XIST: variants seen among roughly 807,000 people sequenced by gnomAD.
The protein encoded by XIST is X inactive specific transcript, also known as X inactive specific transcript (non-protein coding).
exon 1 of XIST, chrX:73,843,265 T>G (rs1369583328): frequency 1.8e-6 from 1 of 558,671 alleles, no homozygotes; most frequent in South Asian, 2.2e-5. Context: ...ATTGCAAATA[T>G]TCACATTAAC....
chrX:73,850,536 A>G (rs1922893777), exon 1 of XIST: 1 of 549,857 alleles, frequency 1.8e-6, no homozygotes, highest in East Asian at 3.3e-5. Flanking sequence ...GTTCCTCTTG[A>G]GGAAGGCAGG....
rs758640526 is a variant in XIST at position 73,849,798 on chromosome X, G to C, written n.2926C>G. On this transcript the variant is annotated non_coding_transcript_exon_variant, in exon 1 of 6. Coordinates refer to ENST00000429829, the Ensembl canonical transcript of XIST. Reference sequence around the variant, plus strand: ...ATCAATGAAAATTAGAGTGACTTTCGAGAGAAGCTGGGCGGGACTGAGGAA... The same window carrying C: ...ATCAATGAAAATTAGAGTGACTTTCCAGAGAAGCTGGGCGGGACTGAGGAA... 1.8e-5 allele frequency: 9 copies of C among 504,515 alleles called. No homozygotes were observed. In the Admixed American group the frequency reaches 2.4e-4, roughly 13 times the overall value. The allele number at this position is 504,515 out of a possible 1,213,427, so 41.6% of individuals were successfully genotyped here. A position where few individuals can be genotyped will look rare whatever the true frequency, so the allele number is the denominator to read the frequency against.
chrX:73,830,969 T>C (rs1922368192), intron 4 of XIST: 1 of 473,527 alleles, frequency 2.1e-6, no homozygotes, highest in Non-Finnish European at 3.8e-6. Context: ...AGAATAATGA[T>C]GAATACGACC....
chrX:73,842,144 A>T lies in XIST; in HGVS notation n.10580T>A. 3 of 518,004 alleles carry T rather than the reference A, an allele frequency of 5.8e-6. No individual in the cohort carries two copies. In the East Asian group the frequency reaches 1.1e-4, roughly 18 times the overall value. The allele number at this position is 518,004 out of a possible 1,213,427, so 42.7% of individuals were successfully genotyped here. ...AAATAATGACCAGGTTATCGAGTCC[A>T]CCCTACAATCCAGATGTCTTTCTTA... On this transcript the variant is annotated non_coding_transcript_exon_variant, in exon 1 of 6. Transcript: ENST00000429829.
chrX:73,829,035 G>C (rs765099759), intron 5 of XIST: 1 of 542,333 alleles, frequency 1.8e-6, no homozygotes, highest in African/African-American at 2.3e-5. Flanking sequence ...GTTCTGAAGT[G>C]ATCCTCACAG....
intron 3 of XIST, among the ~76,000 whole-genome samples, chrX:73,833,059 T>C (rs184462494): frequency 9.1e-6 from 1 of 109,849 alleles, no homozygotes; most frequent in Admixed American, 9.8e-5. Context: ...TTTTATTTTA[T>C]TGTAGAGACA....
At chrX:73,835,400 G>A (rs1481024056) in intron 2 of XIST, among the ~76,000 whole-genome samples, 1 of 112,168 alleles carries the variant, frequency 8.9e-6, no homozygotes, top group African/African-American at 3.2e-5. Flanking sequence ...TATAATGGCA[G>A]GATTTAAAGC....
chrX:73,827,153 A>C, exon 6 of XIST: 2 of 558,429 alleles, frequency 3.6e-6, no homozygotes, highest in South Asian at 4.5e-5. Context: ...GTTTTACTGC[A>C]GTCTAGGGCC....
chrX:73,849,645 A>G, exon 1 of XIST: 1 of 558,708 alleles, frequency 1.8e-6, no homozygotes, highest in Admixed American at 2.2e-5. Flanking sequence ...GAGATCACAG[A>G]CAAATGGGAT....
rs781671734 is a variant in XIST at position 73,844,828 on chromosome X, C to T, written n.7896G>A. ...CGTGTGCAGTTACACACATTATTGA[C>T]CAAGGTGCATGGCTGCGGTCACTTA... On this transcript the variant is annotated non_coding_transcript_exon_variant, in exon 1 of 6. Transcript: ENST00000429829. The T allele has an allele frequency of 2.2e-5, 12 of 556,418 alleles. No individual in the cohort carries two copies. In the South Asian group the frequency reaches 2.2e-4, roughly 10 times the overall value. The allele number at this position is 556,418 out of a possible 1,213,427, so 45.9% of individuals were successfully genotyped here.
At chrX:73,848,490 A>T in exon 1 of XIST, 1 of 558,264 alleles carries the variant, frequency 1.8e-6, no homozygotes, top group Non-Finnish European at 3.2e-6. Context: ...AGTGCACAAG[A>T]TCGTGGACAA....
chrX:73,829,246 G>A lies in XIST; in HGVS notation n.11753-15C>T, dbSNP rs1228278995. ...ACAATGAAGAGCTATAAAAAAACAT[G>A]AGATAAACCATGTAAATGCCATAAA... On this transcript the variant is annotated splice_polypyrimidine_tract_variant and intron_variant and non_coding_transcript_variant, in intron 4 of 5. Coordinates refer to ENST00000429829, the Ensembl canonical transcript of XIST. 9.1e-6 allele frequency: 5 copies of A among 550,594 alleles called. No individual in the cohort carries two copies. The East Asian group carries it at 1.3e-4, about 14-fold the overall frequency. The allele number at this position is 550,594 out of a possible 1,213,427, so 45.4% of individuals were successfully genotyped here. A position where few individuals can be genotyped will look rare whatever the true frequency, so the allele number is the denominator to read the frequency against.
chrX:73,827,375 T>C, exon 6 of XIST: 1 of 557,630 alleles, frequency 1.8e-6, no homozygotes, highest in Non-Finnish European at 3.2e-6. Context: ...GATAGATTCA[T>C]GAAGAGGCTG....
intron 1 of XIST, among the ~76,000 whole-genome samples, chrX:73,837,768 GT>G (rs1223220206): frequency 9.0e-6 from 1 of 111,126 alleles, no homozygotes; most frequent in Non-Finnish European, 1.9e-5. Context: ...ATAAGACACA[GT>G]TTTTAAAAAG....
rs753026597 is a variant in XIST at position 73,845,959 on chromosome X, T to C, written n.6765A>G. Reference sequence around the variant, plus strand: ...GCAAAAGGGGTCTGAGAGTAGGACCTTATTCAGATGGAATGGGCAAAGTGG... The same window carrying C: ...GCAAAAGGGGTCTGAGAGTAGGACCCTATTCAGATGGAATGGGCAAAGTGG... On this transcript the variant is annotated non_coding_transcript_exon_variant, in exon 1 of 6. Coordinates refer to ENST00000429829, the Ensembl canonical transcript of XIST. The C allele has an allele frequency of 1.1e-5, 6 of 552,505 alleles. No homozygotes were observed. In the Admixed American group the frequency reaches 1.4e-4, roughly 12 times the overall value. 45.5% of individuals were successfully genotyped at this position (552,505 alleles called of 1,213,427 possible).
At chrX:73,838,519 T>G (rs1485300763) in intron 1 of XIST, among the ~76,000 whole-genome samples, 1 of 111,460 alleles carries the variant, frequency 9.0e-6, no homozygotes, top group Non-Finnish European at 1.9e-5. Context: ...AAGTTATTTC[T>G]AATATAAACA....
At chrX:73,831,042 T>A (rs746515660) in intron 4 of XIST, 2 of 552,806 alleles carry the variant, frequency 3.6e-6, no homozygotes, top group South Asian at 4.6e-5. Flanking sequence ...CTACTTATTA[T>A]GCTTTTAGGG....
exon 6 of XIST, chrX:73,823,317 T>C: frequency 2.1e-6 from 1 of 480,793 alleles, no homozygotes; most frequent in Admixed American, 3.6e-5. Flanking sequence ...TTCTTTTTTT[T>C]TTTTTTTTTA....
exon 6 of XIST, chrX:73,823,688 CT>C: frequency 1.8e-6 from 1 of 558,697 alleles, no homozygotes; most frequent in Admixed American, 2.2e-5. Context: ...AATTTTCCAT[CT>C]CCTCAATCAG....
Sources: gnomAD v4.1 joint callset for allele counts (sites outside exome capture counted in the v4.1 genomes callset) on GRCh38, gnomAD v4.1.1 for gene constraint, MANE v1.5 for transcripts, NCBI Gene and HGNC (gene_info 2026-07-23, HGNC 2026-07-21) for gene names.